The following PTPN7 variants were observed in gnomAD, a reference collection of about 807,000 sequenced individuals.
PTPN7 encodes the protein tyrosine-protein phosphatase non-receptor type 7.
A neutral mutation model predicts 50.3 loss-of-function variants in PTPN7; 33 were observed. That is an observed-to-expected ratio of 0.66 (90% CI 0.50 to 0.88). The LOEUF (loss-of-function observed/expected upper bound fraction) is 0.88. Ranked by LOEUF, PTPN7 falls within the 40% of genes least tolerant of loss-of-function variation. The pLI is 0.00. For missense variants in PTPN7, 412 were observed against 475.4 expected (o/e 0.87, Z 1.24); for synonymous variants, 185 against 186.6 (o/e 0.99, Z 0.07).
upstream of PTPN7, chr1:202,160,677 C>T (rs1218350295): frequency 6.4e-7 from 1 of 1,550,568 alleles, no homozygotes; most frequent in African/African-American, 1.4e-5. The surrounding 1 kb of genome is among the most constrained non-coding windows in gnomAD (Gnocchi z 4.8). Flanking sequence ...CCACGCACAC[C>T]CCAGCTGCAT....
rs777756781 is a variant in PTPN7 at position 202,152,611 on chromosome 1, C to A, written c.806G>T (p.Arg269Leu). The A allele has an allele frequency of 6.2e-7, 1 of 1,614,002 alleles. No individual in the cohort carries two copies. Among genetic ancestry groups the A allele is most frequent in the East Asian group, 2.2e-5 (1 of 44,882 alleles). The change falls in exon 8 of 10, where the codon CGC becomes CTC. Residue 269 changes from arginine (R) to leucine (L), a missense_variant. Coordinates refer to ENST00000691036, the MANE Select transcript of PTPN7 (RefSeq NM_002832.4). ...GCTCTCCTCCACCTCTGCCACTAGG[C>A]GCAGCAGGGGCCCAGCTGATTCTGG... ...QTPESAGPLL[R>L]LVAEVEESPE...
At chr1:202,152,798 G>GT (rs1441874766) in intron 7 of PTPN7, 99 bp from the exon 8 acceptor site, 5 of 1,376,260 alleles carry the variant, frequency 3.6e-6, no homozygotes, top group Non-Finnish European at 5.0e-6. Flanking sequence ...GAATTACCCT[G>GT]TGGGGGGGTC....
At chr1:202,148,772 C>T in intron 9 of PTPN7, 73 bp from the exon 10 acceptor site, 1 of 1,283,936 alleles carries the variant, frequency 7.8e-7, no homozygotes, top group Non-Finnish European at 1.1e-6. Context: ...AGTCAAACAT[C>T]CCTGTGGTCC....
At chr1:202,149,397 C>T (rs1289999115) in intron 9 of PTPN7, among the ~76,000 whole-genome samples, 8 of 152,140 alleles carry the variant, frequency 5.3e-5, no homozygotes, top group Admixed American at 5.2e-4. Flanking sequence ...ATAATGATTC[C>T]ATACATTTGT....
chr1:202,157,993 T>C, intron 3 of PTPN7, 125 bp downstream of exon 3: 1 of 1,337,302 alleles, frequency 7.5e-7, no homozygotes, highest in Non-Finnish European at 1.0e-6. Context: ...CCCTCAGCCC[T>C]GAAGTTCTCT....
intron 5 of PTPN7, 119 bp downstream of exon 5, chr1:202,155,414 G>T: frequency 1.0e-6 from 1 of 990,648 alleles, no homozygotes; most frequent in Non-Finnish European, 1.5e-6. Flanking sequence ...ACAGCAGTGA[G>T]CTGGAGCAGG....
intron 8 of PTPN7, among the ~76,000 whole-genome samples, chr1:202,150,700 C>T (rs560871044): frequency 2.0e-5 from 3 of 152,274 alleles, no homozygotes; most frequent in East Asian, 1.9e-4. Context: ...GACATTTTGA[C>T]GATCTCCCTT....
chr1:202,157,882 A>G (rs1372917430), intron 3 of PTPN7, 59 bp from the exon 4 acceptor site: 5 of 1,530,816 alleles, frequency 3.3e-6, no homozygotes, highest in Non-Finnish European at 4.5e-6. Flanking sequence ...CTCTCCTTCT[A>G]CCTTTTTCTA....
rs140882864 is a variant in PTPN7, at chr1:202,157,248, G to T, written c.391+491C>A. ...ATTGAGGCTGGACGCGGTGGCTTAC[G>T]CCTGTAATCCCAGCACTTTGGGAGG... On this transcript the variant is annotated intron_variant, in intron 4 of 9. Transcript: ENST00000691036. Among the ~76,000 whole-genome samples the T allele has an allele frequency of 8.5e-3, 1,290 of 152,326 alleles. 12 individuals carry two copies. The highest frequency in any genetic ancestry group is 0.029 in the African/African-American group (1,192 of 41,572).
In PTPN7 at chr1:202,159,565, C is replaced by T. The variant is rs754409021; in HGVS notation, c.-52-111G>A. On this transcript the variant is annotated intron_variant, in intron 1 of 9. Coordinates refer to ENST00000691036, the MANE Select transcript of PTPN7 (RefSeq NM_002832.4). This position sits in a 1 kb window ranked among gnomAD's most constrained non-coding sequence, Gnocchi z 4.6. The stretch of plus-strand genomic sequence containing the variant: ...TGTTTTCACTGGGGCGTCTTCTGTT[C>T]CCCAAGAGGTGGCCTCATTTTCACT... 1.4e-4 allele frequency: 212 copies of T among 1,499,346 alleles called. No individual in the cohort carries two copies. The highest frequency in any genetic ancestry group is 1.9e-4 in the Non-Finnish European group (210 of 1,127,732). The allele number at this position is 1,499,346 out of a possible 1,614,324, so 92.9% of individuals were successfully genotyped here.
In PTPN7 at chr1:202,159,098, C is replaced by T; in HGVS notation, c.122+183G>A. ...GAGCAGGCTCATGGTTGATATGAAA[C>T]TCTGTGCTCCAGACATGCAAAAGAC... On this transcript the variant is annotated intron_variant, in intron 2 of 9. Transcript: ENST00000691036. This position sits in a 1 kb window ranked among gnomAD's most constrained non-coding sequence, Gnocchi z 4.6. 1.6e-6 allele frequency: 1 copy of T among 624,944 alleles called. No homozygotes were observed. The highest frequency in any genetic ancestry group is 2.8e-6 in the Non-Finnish European group (1 of 354,874). The allele number at this position is 624,944 out of a possible 1,614,324, so 38.7% of individuals were successfully genotyped here.
chr1:202,149,398 A>T (rs766434642), intron 9 of PTPN7, among the ~76,000 whole-genome samples: 3 of 152,210 alleles, frequency 2.0e-5, no homozygotes, highest in Non-Finnish European at 2.9e-5. Context: ...TAATGATTCC[A>T]TACATTTGTA....
intron 8 of PTPN7, 83 bp from the exon 9 acceptor site, chr1:202,150,507 A>C: frequency 9.3e-7 from 1 of 1,069,826 alleles, no homozygotes; most frequent in South Asian, 1.3e-5. Flanking sequence ...GGAGAAAGAA[A>C]TGGGACCTGC....
chr1:202,160,784 G>A (rs1368970365), upstream of PTPN7: 5 of 1,549,820 alleles, frequency 3.2e-6, no homozygotes, highest in Admixed American at 3.9e-5. The surrounding 1 kb of genome is among the most constrained non-coding windows in gnomAD (Gnocchi z 4.8). Context: ...GGGAATGGGT[G>A]AGGGGCCAGG....
intron 4 of PTPN7, 128 bp from the exon 5 acceptor site, chr1:202,155,737 C>A (rs753820686): frequency 2.2e-5 from 16 of 744,156 alleles, no homozygotes; most frequent in Non-Finnish European, 3.5e-5. Context: ...TAGCAGGTGG[C>A]CTTACACCCA....
intron 5 of PTPN7, among the ~76,000 whole-genome samples, chr1:202,154,553 G>A (rs1305513884): frequency 1.3e-5 from 2 of 152,150 alleles, no homozygotes; most frequent in Admixed American, 1.3e-4. Context: ...CTATAAGCCA[G>A]TTACCTAGCC....
At chr1:202,158,367 C>CT in intron 2 of PTPN7, 66 bp from the exon 3 acceptor site, 1 of 1,545,406 alleles carries the variant, frequency 6.5e-7, no homozygotes, top group Non-Finnish European at 8.8e-7. Flanking sequence ...TTCTTTTTAT[C>CT]TTTTCTTTTA....
At position 202,155,598 on chromosome 1, in the gene PTPN7, G is replaced by T; in HGVS notation, c.403C>A (p.Arg135Ser). The T allele has an allele frequency of 6.4e-7, 1 of 1,561,848 alleles. No homozygotes were observed. Residue 135 changes from arginine to serine, a missense_variant, in exon 5 of 10, where the codon CGT (arginine) becomes AGT (serine). Coordinates refer to ENST00000691036, the MANE Select transcript of PTPN7 (RefSeq NM_002832.4). ...YKTILPNPQS[R>S]VCLGRAQSQE... ...CTCTGTGCCCGGCCTAGACAGACAC[G>T]GCTCTGGGGATCTAGGAAATAAAAA...
At chr1:202,158,359 C>A in intron 2 of PTPN7, 58 bp from the exon 3 acceptor site, 2 of 1,565,084 alleles carry the variant, frequency 1.3e-6, no homozygotes, top group Non-Finnish European at 1.7e-6. Context: ...CTTTTCTTTT[C>A]TTTTTATCTT....
Sources: gnomAD v4.1 joint callset for allele counts (sites outside exome capture counted in the v4.1 genomes callset) on GRCh38, gnomAD v4.1.1 for gene constraint, Gnocchi (gnomAD v3.1) non-coding constraint, MANE v1.5 for transcripts, NCBI Gene and HGNC (gene_info 2026-07-23, HGNC 2026-07-21) for gene names.